DNAJB12: variants seen among roughly 807,000 people sequenced by gnomAD.
DNAJB12 encodes the protein dnaJ homolog subfamily B member 12.
In DNAJB12, 14 loss-of-function variants were observed where a neutral mutation model predicts 40.6. That is an observed-to-expected ratio of 0.34 (90% CI 0.23 to 0.54). The LOEUF (loss-of-function observed/expected upper bound fraction) is 0.54. DNAJB12 is among the 20% of genes least tolerant of loss of function. The pLI is 0.92. For missense variants in DNAJB12, 444 were observed against 501.7 expected (o/e 0.89, Z 1.10); for synonymous variants, 181 against 199.5 (o/e 0.91, Z 0.78).
At chr10:72,339,435 G>C (rs112003788) in intron 5 of DNAJB12, among the ~76,000 whole-genome samples, 10,666 of 151,900 alleles carry the variant, frequency 0.07, 756 homozygotes, top group African/African-American at 0.18. Context: ...GTAGGAGCCT[G>C]AGACAGGAGA....
In DNAJB12 at chr10:72,334,242, G is replaced by A. The variant is rs1344514552; in HGVS notation, c.*406C>T. On this transcript the variant is annotated 3_prime_UTR_variant, in exon 9 of 9. Coordinates refer to ENST00000444643, the MANE Select transcript of DNAJB12 (RefSeq NM_017626.7). ...CCTCCTATCTTTGGCCAGGGCCTCTGGCTTCTCCTGAGAGGTGGCTGGTGG... is the reference window on the plus strand; with the variant it reads ...CCTCCTATCTTTGGCCAGGGCCTCTAGCTTCTCCTGAGAGGTGGCTGGTGG... 7 of 376,386 alleles carry A rather than the reference G, an allele frequency of 1.9e-5. No homozygotes were observed. Among genetic ancestry groups the A allele is most frequent in the Non-Finnish European group, 2.4e-5 (5 of 206,922 alleles). The allele number at this position is 376,386 out of a possible 1,614,324, so 23.3% of individuals were successfully genotyped here.
rs1861353887 is a variant in DNAJB12 at position 72,332,893 on chromosome 10, C to G, written c.*1755G>C. The G allele has an allele frequency of 6.8e-6, 1 of 148,074 alleles. No homozygotes were observed. The highest frequency in any genetic ancestry group is 2.1e-4 in the South Asian group (1 of 4,742). The allele number at this position is 148,074 out of a possible 1,614,324, so 9.2% of individuals were successfully genotyped here. A position where few individuals can be genotyped will look rare whatever the true frequency, so the allele number is the denominator to read the frequency against. On this transcript the variant is annotated 3_prime_UTR_variant, in exon 9 of 9. Coordinates refer to ENST00000444643, the MANE Select transcript of DNAJB12 (RefSeq NM_017626.7). ...TTTGAGAATTCTAATTCAAGAAATA[C>G]AGCTTCCAGAGGATCCTTTAGGATC... is the stretch of plus-strand genomic sequence containing the variant.
At chr10:72,339,429 G>A (rs919936517) in intron 5 of DNAJB12, among the ~76,000 whole-genome samples, 3 of 151,888 alleles carry the variant, frequency 2.0e-5, no homozygotes, top group African/African-American at 7.3e-5. Context: ...AGCTACGTAG[G>A]AGCCTGAGAC....
chr10:72,346,436 C>T (rs910017172), intron 1 of DNAJB12, among the ~76,000 whole-genome samples: 35 of 152,174 alleles, frequency 2.3e-4, no homozygotes, highest in African/African-American at 8.2e-4. Flanking sequence ...AGCAATTCTC[C>T]CGCCTCAGCC....
At chr10:72,348,845 G>A (rs999820339) in intron 1 of DNAJB12, among the ~76,000 whole-genome samples, 17 of 152,308 alleles carry the variant, frequency 1.1e-4, no homozygotes, top group South Asian at 6.2e-4. Context: ...ATCTGCATTA[G>A]CTCATTTAAT....
chr10:72,335,769 C>G lies in DNAJB12; in HGVS notation c.*30+11G>C, dbSNP rs772045251. On this transcript the variant is annotated intron_variant, in intron 8 of 8. Coordinates refer to ENST00000444643, the MANE Select transcript of DNAJB12 (RefSeq NM_017626.7). The surrounding 1 kb of genome is among the most constrained non-coding windows in gnomAD (Gnocchi z 4.4). Reference sequence around the variant, plus strand: ...CAGGAGTTGCAGGGTGGAGGCAGCCCTGGCTCATACTTGGACCTCGGTGGT... The same window carrying G: ...CAGGAGTTGCAGGGTGGAGGCAGCCGTGGCTCATACTTGGACCTCGGTGGT... 5 of 1,611,308 alleles carry G rather than the reference C, an allele frequency of 3.1e-6. No homozygotes were observed. Among genetic ancestry groups the G allele is most frequent in the African/African-American group, 2.7e-5 (2 of 74,902 alleles).
In DNAJB12 at chr10:72,343,457, C is replaced by G. The variant is rs752474265; in HGVS notation, c.366G>C (p.Ser122=). 1 of 1,614,060 alleles carries G rather than the reference C, an allele frequency of 6.2e-7. No individual in the cohort carries two copies. The highest frequency in any genetic ancestry group is 1.3e-5 in the African/African-American group (1 of 74,908). ...GGTAGGCCTTCTTCAGGTCCTCATC[C>G]GAGGCCCCTCTGCTCACCCCCAGGA... ...YEILGVSRGA[S]DEDLKKAYRR... is the part of the protein sequence containing the mutation. The change falls in exon 3 of 9, where the codon TCG becomes TCC. Residue 122 remains serine, a synonymous_variant. Coordinates refer to ENST00000444643, the MANE Select transcript of DNAJB12 (RefSeq NM_017626.7).
At chr10:72,336,190 T>A (rs1470864101) in intron 7 of DNAJB12, among the ~76,000 whole-genome samples, 2 of 152,126 alleles carry the variant, frequency 1.3e-5, no homozygotes, top group Non-Finnish European at 2.9e-5. Context: ...CTCCCCAGGG[T>A]CCCACAGACA....
At chr10:72,336,982 C>A in intron 6 of DNAJB12, 1 of 288,844 alleles carries the variant, frequency 3.5e-6, no homozygotes, top group Non-Finnish European at 6.5e-6. Flanking sequence ...GAACTGGAGA[C>A]CTGAGAGGGA....
At chr10:72,348,249 C>T (rs1247882324) in intron 1 of DNAJB12, among the ~76,000 whole-genome samples, 1 of 152,134 alleles carries the variant, frequency 6.6e-6, no homozygotes, top group African/African-American at 2.4e-5. Context: ...CAAAAACAAG[C>T]CTGTGGTTCC....
At chr10:72,337,324 C>T (rs1037609677) in intron 6 of DNAJB12, among the ~76,000 whole-genome samples, 5 of 152,276 alleles carry the variant, frequency 3.3e-5, no homozygotes, top group Admixed American at 2.0e-4. Flanking sequence ...TCCAGTGGAC[C>T]GACTCTGCCC....
In DNAJB12 at chr10:72,343,522, A is replaced by T; in HGVS notation, c.312-11T>A. 1 of 1,613,910 alleles carries T rather than the reference A, an allele frequency of 6.2e-7. No homozygotes were observed. The highest frequency in any genetic ancestry group is 1.1e-5 in the South Asian group (1 of 91,076). ...TTACATTGCTTGACCCTGGGGAAGGAGGAGACCATGGTACGGGGTGCTCTA... is the reference window on the plus strand; with the variant it reads ...TTACATTGCTTGACCCTGGGGAAGGTGGAGACCATGGTACGGGGTGCTCTA... On this transcript the variant is annotated splice_polypyrimidine_tract_variant and intron_variant, in intron 2 of 8. Transcript: ENST00000444643.
chr10:72,354,232 C>T (rs983967277), intron 1 of DNAJB12: 1 of 153,326 alleles, frequency 6.5e-6, no homozygotes, highest in African/African-American at 2.4e-5. Flanking sequence ...CAAAGGCCGG[C>T]TTGCATTTTG....
At chr10:72,351,862 G>T (rs947555036) in intron 1 of DNAJB12, among the ~76,000 whole-genome samples, 1 of 152,190 alleles carries the variant, frequency 6.6e-6, no homozygotes, top group Admixed American at 6.5e-5. Flanking sequence ...CTATCCCACT[G>T]GCACCTCCCA....
chr10:72,350,839 G>T (rs1161873102), intron 1 of DNAJB12, among the ~76,000 whole-genome samples: 1 of 152,156 alleles, frequency 6.6e-6, no homozygotes, highest in Non-Finnish European at 1.5e-5. Context: ...ATGGAAGGGG[G>T]CTAAGTGCAC....
chr10:72,348,309 T>A (rs1363272283), intron 1 of DNAJB12, among the ~76,000 whole-genome samples: 2 of 152,222 alleles, frequency 1.3e-5, no homozygotes, highest in Non-Finnish European at 2.9e-5. Context: ...GGTCCCTGTG[T>A]CCATTTATTC....
intron 1 of DNAJB12, among the ~76,000 whole-genome samples, chr10:72,348,081 G>A (rs142962430): frequency 0.019 from 2,887 of 149,266 alleles, 42 homozygotes; most frequent in South Asian, 0.042. Flanking sequence ...AAAATTAGCC[G>A]GCGTGGTGGC....
chr10:72,342,241 C>T (rs1219479909), intron 3 of DNAJB12, among the ~76,000 whole-genome samples: 3 of 152,208 alleles, frequency 2.0e-5, no homozygotes, highest in African/African-American at 4.8e-5. Flanking sequence ...CTAGCCGGGA[C>T]GGCTGTGCCC....
In DNAJB12 at chr10:72,349,313, G is replaced by A. The variant is rs182248610; in HGVS notation, c.134-4186C>T. On this transcript the variant is annotated intron_variant, in intron 1 of 8. Transcript: ENST00000444643. ...GAAGTGGGCTGGCCAGGGAAGTGAG[G>A]GAACCTGTGGTGGGGGCTGGGGAGG... Among the ~76,000 whole-genome samples the A allele has an allele frequency of 2.1e-3, 325 of 152,226 alleles. 3 individuals are homozygous for A. Among genetic ancestry groups the A allele is most frequent in the Non-Finnish European group, 6.9e-4 (47 of 68,000 alleles).
Sources: gnomAD v4.1 joint callset for allele counts (sites outside exome capture counted in the v4.1 genomes callset) on GRCh38, gnomAD v4.1.1 for gene constraint, Gnocchi (gnomAD v3.1) non-coding constraint, MANE v1.5 for transcripts, NCBI Gene and HGNC (gene_info 2026-07-23, HGNC 2026-07-21) for gene names.